COL11A1: variants seen among roughly 807,000 people sequenced by gnomAD.
COL11A1 encodes collagen alpha-1(XI) chain.
In COL11A1, 74 loss-of-function variants were observed where a neutral mutation model predicts 265.2. The observed-to-expected ratio is 0.28, with a 90% CI of 0.23 to 0.34. The LOEUF (loss-of-function observed/expected upper bound fraction) is 0.34. Ranked by LOEUF, COL11A1 falls within the 10% of genes least tolerant of loss-of-function variation. The pLI, the probability that COL11A1 is intolerant of heterozygous loss-of-function variation, is 1.00. For synonymous variants in COL11A1, 816 were observed against 727.6 expected (o/e 1.12, Z -1.96); for missense variants, 2,165 against 2,263.6 (o/e 0.96, Z 0.88).
intron 22 of COL11A1, 67 bp downstream of exon 22, chr1:103,002,680 C>T: frequency 7.3e-7 from 1 of 1,378,996 alleles, no homozygotes; most frequent in Non-Finnish European, 1.0e-6. Context: ...TTAGATTTAA[C>T]AACAAAAAAT....
rs144562769 is a variant in COL11A1, at chr1:102,946,896, G to T, written c.3229C>A (p.Pro1077Thr). The T allele has an allele frequency of 1.2e-4, 187 of 1,613,474 alleles. No individual in the cohort carries two copies. The highest frequency in any genetic ancestry group is 1.2e-3 in the Middle Eastern group (7 of 6,078). ...GGACCAGGAGGACCCTGAGGTCCCG[G>T]GCGCCCTGGTAAACCAATTGGGCCA... is the stretch of plus-strand genomic sequence containing the variant. ...TAGPIGLPGR[P>T]GPQGPPGPAG... The change falls in exon 42 of 67, where the codon CCG becomes ACG. Residue 1077 changes from proline to threonine, a missense_variant. By Grantham distance (38) the Pro-to-Thr change is conservative (BLOSUM62 -1). Coordinates refer to ENST00000370096, the MANE Select transcript of COL11A1 (RefSeq NM_001854.4).
At chr1:102,950,241 C>T (rs1414993876) in intron 41 of COL11A1, among the ~76,000 whole-genome samples, 1 of 152,190 alleles carries the variant, frequency 6.6e-6, no homozygotes, top group Non-Finnish European at 1.5e-5. Context: ...TGTGATTATA[C>T]TGCTGCACTC....
intron 30 of COL11A1, among the ~76,000 whole-genome samples, chr1:102,985,140 T>C (rs569000875): frequency 2.8e-4 from 42 of 152,228 alleles, no homozygotes; most frequent in African/African-American, 9.6e-4. Flanking sequence ...TTATAAAATA[T>C]TATTTACTAA....
chr1:102,899,193 C>T (rs1652856953), intron 54 of COL11A1, among the ~76,000 whole-genome samples, 199 bp from the exon 55 acceptor site: 1 of 151,820 alleles, frequency 6.6e-6, no homozygotes, highest in African/African-American at 2.4e-5. Context: ...TGAAAAACAG[C>T]ACAAATTAAG....
At chr1:103,063,290 A>G (rs566134844) in intron 4 of COL11A1, among the ~76,000 whole-genome samples, 4 of 152,232 alleles carry the variant, frequency 2.6e-5, no homozygotes, top group African/African-American at 9.6e-5. Flanking sequence ...AAAGACAGAG[A>G]ACTGACATTA....
chr1:103,068,832 T>TAAA (rs371961383), intron 4 of COL11A1, among the ~76,000 whole-genome samples: 4,524 of 148,486 alleles, frequency 0.03, 256 homozygotes, highest in African/African-American at 0.11. Context: ...ACTCTAGCAC[T>TAAA]AAAAAAAAAT....
At chr1:103,065,738 T>C (rs1243326085) in intron 4 of COL11A1, among the ~76,000 whole-genome samples, 1 of 149,998 alleles carries the variant, frequency 6.7e-6, no homozygotes, top group Middle Eastern at 3.4e-3. Context: ...AGCAGCAAAG[T>C]AGAAACTTTA....
At chr1:103,035,611 T>C (rs1384407684) in intron 4 of COL11A1, among the ~76,000 whole-genome samples, 1 of 152,092 alleles carries the variant, frequency 6.6e-6, no homozygotes, top group Non-Finnish European at 1.5e-5. Context: ...ATACATGTAA[T>C]ATGCTAGTAT....
rs574203768 is a variant in COL11A1, at chr1:102,893,691, T to C, written c.4303-3187A>G. ...CTGCAGTATTATACTTTCTGGAATA[T>C]TTGCTTTGATCTGCATTTCAAAACT... On this transcript the variant is annotated intron_variant, in intron 57 of 66. Coordinates refer to ENST00000370096, the MANE Select transcript of COL11A1 (RefSeq NM_001854.4). 4.6e-5 allele frequency among the ~76,000 whole-genome samples: 7 copies of C among 152,296 alleles called. No homozygotes were observed. In the South Asian group the frequency reaches 1.4e-3, roughly 32 times the overall value.
chr1:102,923,429 G>A (rs761438459), intron 46 of COL11A1, 40 bp from the exon 47 acceptor site: 1 of 1,477,062 alleles, frequency 6.8e-7, no homozygotes, highest in Non-Finnish European at 9.2e-7. Context: ...AGTCACTGAT[G>A]TCTTTAAAAA....
At chr1:103,046,630 T>C (rs1669294055) in intron 4 of COL11A1, among the ~76,000 whole-genome samples, 1 of 151,434 alleles carries the variant, frequency 6.6e-6, no homozygotes, top group Admixed American at 6.6e-5. Context: ...TTTGTCAATT[T>C]TGTCTTTTGT....
chr1:103,108,301 GA>G lies in COL11A1; in HGVS notation c.-124del, dbSNP rs1418941116. On this transcript the variant is annotated 5_prime_UTR_variant, in exon 1 of 67. Transcript: ENST00000370096. ...CACAGCCATTGGGGAGGGAGAGGGG[GA>G]AAAAGTCAAAGGGCTTTTTCTTCTA... The G allele has an allele frequency of 1.7e-5, 13 of 759,720 alleles. No individual in the cohort carries two copies. Among genetic ancestry groups the G allele is most frequent in the Middle Eastern group, 3.5e-4 (1 of 2,840 alleles). 47.1% of individuals were successfully genotyped at this position (759,720 alleles called of 1,614,324 possible).
chr1:103,004,706 A>C (rs774536779), intron 18 of COL11A1, 45 bp from the exon 19 acceptor site: 1 of 1,511,266 alleles, frequency 6.6e-7, no homozygotes, highest in African/African-American at 1.4e-5. Context: ...AAAGAAGTAG[A>C]ATGTTTACAA....
chr1:103,022,686 A>G (rs189311203), intron 8 of COL11A1, 56 bp downstream of exon 8: 89 of 1,606,600 alleles, frequency 5.5e-5, no homozygotes, highest in Non-Finnish European at 7.1e-5. Flanking sequence ...GGACATGGAC[A>G]TAAAAATATC....
chr1:102,994,484 G>A (rs1396946013), intron 28 of COL11A1, among the ~76,000 whole-genome samples: 2 of 152,034 alleles, frequency 1.3e-5, no homozygotes, highest in Non-Finnish European at 2.9e-5. Flanking sequence ...TCCACTGGAA[G>A]CTCCCTGAGG....
chr1:103,025,916 C>A, intron 6 of COL11A1: 1 of 1,612,568 alleles, frequency 6.2e-7, no homozygotes, highest in Non-Finnish European at 8.5e-7. Context: ...TTAGTAGCCA[C>A]TGTCCTCATC....
At chr1:102,919,559 AT>A (rs1655737803) in intron 49 of COL11A1, among the ~76,000 whole-genome samples, 1 of 151,982 alleles carries the variant, frequency 6.6e-6, no homozygotes, top group South Asian at 2.1e-4. Context: ...TATAAATATA[AT>A]TCTTCCCTTT....
At chr1:103,094,644 A>T (rs921106875) in intron 1 of COL11A1, among the ~76,000 whole-genome samples, 1 of 152,128 alleles carries the variant, frequency 6.6e-6, no homozygotes, top group Non-Finnish European at 1.5e-5. Context: ...GAAAATCTTT[A>T]TGATGATTCA....
intron 1 of COL11A1, among the ~76,000 whole-genome samples, chr1:103,102,935 AC>A (rs1674399768): frequency 6.6e-6 from 1 of 152,006 alleles, no homozygotes; most frequent in African/African-American, 2.4e-5. Context: ...TTCCTCCCTT[AC>A]ATCCCTGCAA....
Sources: allele counts gnomAD v4.1 joint callset (sites outside exome capture counted in the v4.1 genomes callset), GRCh38; gene constraint gnomAD v4.1.1; transcripts MANE v1.5; gene names NCBI Gene and HGNC (gene_info 2026-07-23, HGNC 2026-07-21).